The following DOCK3 variants were observed in gnomAD, a reference collection of about 807,000 sequenced individuals.
DOCK3 encodes dedicator of cytokinesis 3.
A neutral mutation model predicts 265.6 loss-of-function variants in DOCK3; 60 were observed. The ratio of observed to expected loss-of-function variants is 0.23; its 90% CI spans 0.18 to 0.28. The LOEUF (loss-of-function observed/expected upper bound fraction) is 0.28, where lower values mean the gene tolerates loss of function less well. Among genes scored for constraint, DOCK3 ranks in the 10% least tolerant of loss-of-function variants. DOCK3 has a pLI of 1.00. For missense variants in DOCK3, 1,981 were observed against 2,594.3 expected (o/e 0.76, Z 5.14); for synonymous variants, 881 against 938.0 (o/e 0.94, Z 1.11).
chr3:50,882,429 A>G (rs1308503314), intron 3 of DOCK3, among the ~76,000 whole-genome samples: 1 of 152,196 alleles, frequency 6.6e-6, no homozygotes, highest in Non-Finnish European at 1.5e-5. Context: ...AGAAAAAATC[A>G]AACAACCCCA....
chr3:51,118,471 G>A (rs2106670819), intron 9 of DOCK3, among the ~76,000 whole-genome samples: 1 of 152,218 alleles, frequency 6.6e-6, no homozygotes, highest in Non-Finnish European at 1.5e-5. Context: ...ATGTCTATTA[G>A]GTTTGCTTGG....
At chr3:51,184,316 CAAA>C (rs34084936) in intron 12 of DOCK3, among the ~76,000 whole-genome samples, 3 of 137,944 alleles carry the variant, frequency 2.2e-5, no homozygotes, top group African/African-American at 8.1e-5. Context: ...TGCTTTGAAA[CAAA>C]AAAAAAAAAA....
At chr3:51,153,523 A>G (rs1051907097) in intron 10 of DOCK3, among the ~76,000 whole-genome samples, 16 of 152,276 alleles carry the variant, frequency 1.1e-4, no homozygotes, top group African/African-American at 3.8e-4. Flanking sequence ...CCACTGTCCA[A>G]CCAGTCCCAA....
At chr3:50,816,568 G>T (rs556222646) in intron 2 of DOCK3, among the ~76,000 whole-genome samples, 1 of 151,886 alleles carries the variant, frequency 6.6e-6, no homozygotes, top group Non-Finnish European at 1.5e-5. Context: ...TGATCTGCCC[G>T]CCTTGGCCTC....
intron 19 of DOCK3, among the ~76,000 whole-genome samples, chr3:51,234,800 T>C (rs1164908448): frequency 6.6e-6 from 1 of 152,192 alleles, no homozygotes; most frequent in Non-Finnish European, 1.5e-5. Context: ...CAGTCCCCAG[T>C]TGCCTTCATA....
chr3:51,368,397 A>G (rs1211705883), intron 49 of DOCK3, among the ~76,000 whole-genome samples: 1 of 152,220 alleles, frequency 6.6e-6, no homozygotes, highest in African/African-American at 2.4e-5. Context: ...AGGGCTCACC[A>G]GGAGATTATA....
chr3:50,795,910 G>A (rs952757173), intron 2 of DOCK3, among the ~76,000 whole-genome samples: 3 of 152,084 alleles, frequency 2.0e-5, no homozygotes, highest in Non-Finnish European at 2.9e-5. Context: ...GTGATACTTA[G>A]CTTCCTTGGG....
intron 5 of DOCK3, among the ~76,000 whole-genome samples, chr3:51,007,677 A>T (rs2078739853): frequency 6.6e-6 from 1 of 152,060 alleles, no homozygotes; most frequent in Non-Finnish European, 1.5e-5. Context: ...TTGGTGTTTT[A>T]GTCATGAAGT....
intron 7 of DOCK3, among the ~76,000 whole-genome samples, chr3:51,085,622 G>C (rs1348876142): frequency 6.6e-6 from 1 of 152,128 alleles, no homozygotes; most frequent in African/African-American, 2.4e-5. Context: ...CTTGAAACAA[G>C]TGAAAATGGA....
At chr3:50,753,563 A>C (rs1055786285) in intron 1 of DOCK3, among the ~76,000 whole-genome samples, 2 of 152,094 alleles carry the variant, frequency 1.3e-5, no homozygotes, top group African/African-American at 2.4e-5. Flanking sequence ...GGGTCTCACT[A>C]TGTTGCATAA....
At chr3:50,920,575 CT>C (rs1483661489) in intron 4 of DOCK3, among the ~76,000 whole-genome samples, 3 of 152,182 alleles carry the variant, frequency 2.0e-5, no homozygotes, top group Non-Finnish European at 4.4e-5. Flanking sequence ...GTTTGTATTT[CT>C]GTGGGATTGG....
At chr3:51,283,641 T>G (rs2081256611) in intron 27 of DOCK3, among the ~76,000 whole-genome samples, 1 of 152,104 alleles carries the variant, frequency 6.6e-6, no homozygotes. Flanking sequence ...GAGCAGCAGA[T>G]TGGCACTTCC....
At chr3:51,250,667 TAAAC>T (rs1328451585) in intron 22 of DOCK3, among the ~76,000 whole-genome samples, 8 of 151,944 alleles carry the variant, frequency 5.3e-5, no homozygotes, top group Non-Finnish European at 1.2e-4. Context: ...ATGAAGGAAA[TAAAC>T]AAGATTATGG....
chr3:51,234,169 T>C (rs1004615196), intron 19 of DOCK3, among the ~76,000 whole-genome samples: 3 of 152,248 alleles, frequency 2.0e-5, no homozygotes, highest in African/African-American at 4.8e-5. Context: ...GTTTTATCTT[T>C]TGGTAATAGC....
intron 1 of DOCK3, among the ~76,000 whole-genome samples, chr3:50,698,516 G>GGTTTTTTTTTTTTT (rs2035792192): frequency 4.0e-4 from 5 of 12,412 alleles, no homozygotes; most frequent in Middle Eastern, 0.045. Flanking sequence ...GTATGTTTTT[G>GGTTTTTTTTTTTTT]GTTTTTTTTT....
intron 15 of DOCK3, 119 bp from the exon 16 acceptor site, chr3:51,227,164 G>T (rs764825461): frequency 1.8e-5 from 20 of 1,105,624 alleles, no homozygotes; most frequent in Non-Finnish European, 2.6e-5. Flanking sequence ...TTATCTCATA[G>T]ATTTTGCTTA....
intron 48 of DOCK3, among the ~76,000 whole-genome samples, 185 bp from the exon 49 acceptor site, chr3:51,362,342 G>A (rs1201681077): frequency 6.6e-6 from 1 of 152,074 alleles, no homozygotes; most frequent in East Asian, 1.9e-4. Flanking sequence ...CAACAACTTC[G>A]CTCCATATGG....
chr3:51,233,149 A>C (rs978448094), intron 19 of DOCK3, among the ~76,000 whole-genome samples: 1 of 152,136 alleles, frequency 6.6e-6, no homozygotes. Context: ...GTTTCTTCTA[A>C]TTCTGGGAAA....
chr3:51,218,330 A>G (rs1055817685), intron 14 of DOCK3, among the ~76,000 whole-genome samples: 1 of 152,096 alleles, frequency 6.6e-6, no homozygotes, highest in African/African-American at 2.4e-5. Context: ...GATATTCAGG[A>G]GGCTGAGGCA....
Sources: gnomAD v4.1 joint callset for allele counts (sites outside exome capture counted in the v4.1 genomes callset) on GRCh38, gnomAD v4.1.1 for gene constraint, MANE v1.5 for transcripts, NCBI Gene and HGNC (gene_info 2026-07-23, HGNC 2026-07-21) for gene names.